Variants in SPIN4 observed in about 807,000 individuals in gnomAD.
The protein encoded by SPIN4 is spindlin-4.
SPIN4 carries 4 observed loss-of-function variants against 10.4 expected under a neutral mutation model. The observed-to-expected ratio is 0.38, with a 90% CI of 0.19 to 0.88. The LOEUF is 0.88. Ranked by LOEUF, SPIN4 falls within the 40% of genes least tolerant of loss-of-function variation. SPIN4 has a pLI of 0.40. For missense variants in SPIN4, 126 were observed against 198.7 expected, an observed-to-expected ratio of 0.63 and a Z score of 2.20; for synonymous variants, 71 against 78.4, an observed-to-expected ratio of 0.91 and a Z score of 0.50.
rs185270303 is a variant in SPIN4 at position 63,348,880 on chromosome X, C to A, written c.*1190G>T. On this transcript the variant is annotated 3_prime_UTR_variant, in exon 1 of 1. Transcript: ENST00000374884. ...AAAATGTAGGTGAATATTTGTATGACTTTGGGTGGGGGCATCCATGTGATA... is the reference window on the plus strand; with the variant it reads ...AAAATGTAGGTGAATATTTGTATGAATTTGGGTGGGGGCATCCATGTGATA... 1 of 111,158 alleles carries A rather than the reference C, an allele frequency of 9.0e-6. No homozygotes were observed. Among genetic ancestry groups the A allele is most frequent in the East Asian group, 2.8e-4 (1 of 3,558 alleles). The allele number at this position is 111,158 out of a possible 1,213,427, so 9.2% of individuals were successfully genotyped here.
chrX:63,350,892 G>T lies in SPIN4; in HGVS notation c.-73C>A, dbSNP rs782222948. 2.7e-6 allele frequency: 3 copies of T among 1,106,055 alleles called. No individual in the cohort carries two copies. Among genetic ancestry groups the T allele is most frequent in the Non-Finnish European group, 3.6e-6 (3 of 831,363 alleles). The allele number at this position is 1,106,055 out of a possible 1,213,427, so 91.2% of individuals were successfully genotyped here. A position where few individuals can be genotyped will look rare whatever the true frequency, so the allele number is the denominator to read the frequency against. ...TAAACTGACAAAAAGTCAACACTAT[G>T]CAATATGATATATATATTTTTTGCG... On this transcript the variant is annotated 5_prime_UTR_variant, in exon 1 of 1. Coordinates refer to ENST00000374884, the MANE Select transcript of SPIN4 (RefSeq NM_001012968.3).
rs1360883131 is a variant in SPIN4, at chrX:63,349,940, T to C, written c.*130A>G. On this transcript the variant is annotated 3_prime_UTR_variant, in exon 1 of 1. Coordinates refer to ENST00000374884, the MANE Select transcript of SPIN4 (RefSeq NM_001012968.3). ...GTGAAACTAGTCAAGGTAAGATTTGTTGGCACAATAAAATTTATCCACTTT... is the reference window on the plus strand; with the variant it reads ...GTGAAACTAGTCAAGGTAAGATTTGCTGGCACAATAAAATTTATCCACTTT... 1.3e-6 allele frequency: 1 copy of C among 744,619 alleles called. No homozygotes were observed. The highest frequency in any genetic ancestry group is 1.9e-6 in the Non-Finnish European group (1 of 535,039). The allele number at this position is 744,619 out of a possible 1,213,427, so 61.4% of individuals were successfully genotyped here. A position where few individuals can be genotyped will look rare whatever the true frequency, so the allele number is the denominator to read the frequency against.
In SPIN4 at chrX:63,350,244, C is replaced by T. The variant is rs374886517; in HGVS notation, c.576G>A (p.Glu192=). 1.4e-5 allele frequency: 17 copies of T among 1,211,484 alleles called. No individual in the cohort carries two copies. Among genetic ancestry groups the T allele is most frequent in the Middle Eastern group, 2.3e-4 (1 of 4,355 alleles). Residue 192 remains glutamate (E), a synonymous_variant, in exon 1 of 1, where the codon GAG becomes GAA. Coordinates refer to ENST00000374884, the MANE Select transcript of SPIN4 (RefSeq NM_001012968.3). ...CGAGACTGTCGACCACCTCTCCAGG[C>T]TCCTGTTCTGCTGTAGGGAAATAGT... ...SNYYFPTAEQ[E]PGEVVDSLVG...
chrX:63,349,431 C>T lies in SPIN4; in HGVS notation c.*639G>A, dbSNP rs1239364214. The T allele has an allele frequency of 9.0e-6, 1 of 111,009 alleles. No homozygotes were observed. The highest frequency in any genetic ancestry group is 3.3e-5 in the African/African-American group (1 of 30,428). The allele number at this position is 111,009 out of a possible 1,213,427, so 9.1% of individuals were successfully genotyped here. A position where few individuals can be genotyped will look rare whatever the true frequency, so the allele number is the denominator to read the frequency against. On this transcript the variant is annotated 3_prime_UTR_variant, in exon 1 of 1. Transcript: ENST00000374884. ...AAAGGAAATAAAAGACGATCAATAA[C>T]GAAATGGTTGAATGCCTTTTTGGTA...
rs1426316750 is a variant in SPIN4, at chrX:63,348,940, G to C, written c.*1130C>G. 3 of 111,167 alleles carry C rather than the reference G, an allele frequency of 2.7e-5. No homozygotes were observed. Among genetic ancestry groups the C allele is most frequent in the African/African-American group, 9.8e-5 (3 of 30,614 alleles). The allele number at this position is 111,167 out of a possible 1,213,427, so 9.2% of individuals were successfully genotyped here. A position where few individuals can be genotyped will look rare whatever the true frequency, so the allele number is the denominator to read the frequency against. On this transcript the variant is annotated 3_prime_UTR_variant, in exon 1 of 1. Transcript: ENST00000374884. ...AACCAAAATCTATAAAAGAGATAAG[G>C]GTCTACCTAAAAAGTTTAAAAATTT...
Position 63,350,035 on chromosome X carries a change from A to T in SPIN4, c.*35T>A, listed in dbSNP as rs1932978990. The T allele has an allele frequency of 8.6e-7, 1 of 1,160,114 alleles. No individual in the cohort carries two copies. Among genetic ancestry groups the T allele is most frequent in the African/African-American group, 1.8e-5 (1 of 55,686 alleles). ...GAGAACACAAAATAATTCACATCTAACAGATCCACAACTTCTCTAAAGAGC... is the reference window on the plus strand; with the variant it reads ...GAGAACACAAAATAATTCACATCTATCAGATCCACAACTTCTCTAAAGAGC... On this transcript the variant is annotated 3_prime_UTR_variant, in exon 1 of 1. Coordinates refer to ENST00000374884, the MANE Select transcript of SPIN4 (RefSeq NM_001012968.3).
At position 63,351,203 on chromosome X, in the gene SPIN4, A is replaced by G. The variant is rs1932992828; in HGVS notation, c.-384T>C. The G allele has an allele frequency of 6.1e-6, 1 of 165,198 alleles. No homozygotes were observed. Among genetic ancestry groups the G allele is most frequent in the Admixed American group, 7.4e-5 (1 of 13,597 alleles). 13.6% of individuals were successfully genotyped at this position (165,198 alleles called of 1,213,427 possible). A position where few individuals can be genotyped will look rare whatever the true frequency, so the allele number is the denominator to read the frequency against. ...TGGTGCGGCTGCGGCACGGCGGCAG[A>G]GGAGACGACGGGGACGAAAGGCAAG... On this transcript the variant is annotated 5_prime_UTR_variant, in exon 1 of 1. Transcript: ENST00000374884.
Position 63,348,671 on chromosome X carries a change from C to G in SPIN4, c.*1399G>C, listed in dbSNP as rs1337686879. 2 of 109,806 alleles carry G rather than the reference C, an allele frequency of 1.8e-5. No homozygotes were observed. The highest frequency in any genetic ancestry group is 6.6e-5 in the African/African-American group (2 of 30,301). The allele number at this position is 109,806 out of a possible 1,213,427, so 9.0% of individuals were successfully genotyped here. On this transcript the variant is annotated 3_prime_UTR_variant, in exon 1 of 1. Coordinates refer to ENST00000374884, the MANE Select transcript of SPIN4 (RefSeq NM_001012968.3). ...GATTCTAAAACTTACGATGAAGCCA[C>G]TATAATTAAATCATGATATTGGCTC...
Position 63,350,769 on chromosome X carries a change from G to C in SPIN4, c.51C>G (p.Tyr17Ter). 1 of 1,208,305 alleles carries C rather than the reference G, an allele frequency of 8.3e-7. No homozygotes were observed. Among genetic ancestry groups the C allele is most frequent in the Non-Finnish European group, 1.1e-6 (1 of 892,872 alleles). Residue 17 changes from tyrosine (Y) to a stop codon, truncating the protein, a stop_gained, in exon 1 of 1, where the codon TAC becomes TAG. Coordinates refer to ENST00000374884, the MANE Select transcript of SPIN4 (RefSeq NM_001012968.3). LOFTEE classifies it high-confidence loss of function. The stretch of plus-strand genomic sequence containing the variant: ...TGTGGGTGTGCCTTTTCTTCATCAG[G>C]TATGCGGACACGCCATCTACCCCCA... ...PPMGVDGVSA[Y>*]LMKKRHTHRK...
chrX:63,351,000 G>C lies in SPIN4; in HGVS notation c.-181C>G, dbSNP rs1932990174. The C allele has an allele frequency of 6.0e-6, 3 of 499,131 alleles. No individual in the cohort carries two copies. The Admixed American group carries it at 1.3e-4, about 21-fold the overall frequency. The allele number at this position is 499,131 out of a possible 1,213,427, so 41.1% of individuals were successfully genotyped here. Reference sequence around the variant, plus strand: ...TGGCAGAAACGCTCGAACTCTAACCGTGAGCACTGGGACAGCGTGTGCCTC... The same window carrying C: ...TGGCAGAAACGCTCGAACTCTAACCCTGAGCACTGGGACAGCGTGTGCCTC... On this transcript the variant is annotated 5_prime_UTR_variant, in exon 1 of 1. Transcript: ENST00000374884.
chrX:63,347,622 T>C lies in SPIN4; in HGVS notation c.*2448A>G, dbSNP rs1426505875. 5.4e-5 allele frequency: 6 copies of C among 111,705 alleles called. No individual in the cohort carries two copies. Among genetic ancestry groups the C allele is most frequent in the Admixed American group, 2.8e-4 (3 of 10,537 alleles). 9.2% of individuals were successfully genotyped at this position (111,705 alleles called of 1,213,427 possible). A position where few individuals can be genotyped will look rare whatever the true frequency, so the allele number is the denominator to read the frequency against. On this transcript the variant is annotated 3_prime_UTR_variant, in exon 1 of 1. Coordinates refer to ENST00000374884, the MANE Select transcript of SPIN4 (RefSeq NM_001012968.3). ...TTTTTTAAAGCTAGCACAACTTCAA[T>C]AACAAAACTTGATAAAGATAGCATC...
chrX:63,350,853 C>T lies in SPIN4; in HGVS notation c.-34G>A. 8.6e-7 allele frequency: 1 copy of T among 1,161,112 alleles called. No homozygotes were observed. Among genetic ancestry groups the T allele is most frequent in the Non-Finnish European group, 1.1e-6 (1 of 870,900 alleles). ...GATTAAGAGGGCTTGGGGAAAGCTG[C>T]TGCCCTGGTCGATTAAACTGACAAA... On this transcript the variant is annotated 5_prime_UTR_variant, in exon 1 of 1. Coordinates refer to ENST00000374884, the MANE Select transcript of SPIN4 (RefSeq NM_001012968.3).
rs1355444166 is a variant in SPIN4, at chrX:63,348,478, A to T, written c.*1592T>A. The T allele has an allele frequency of 3.6e-5, 4 of 111,210 alleles. No homozygotes were observed. Among genetic ancestry groups the T allele is most frequent in the Non-Finnish European group, 7.6e-5 (4 of 52,881 alleles). 9.2% of individuals were successfully genotyped at this position (111,210 alleles called of 1,213,427 possible). A position where few individuals can be genotyped will look rare whatever the true frequency, so the allele number is the denominator to read the frequency against. ...CTCTTGAGTGCTAAGATTTAATATT[A>T]TTAAAGAGCCCTCTAAACAAAAATG... On this transcript the variant is annotated 3_prime_UTR_variant, in exon 1 of 1. Transcript: ENST00000374884.
In SPIN4 at chrX:63,349,924, G is replaced by A. The variant is rs782650921; in HGVS notation, c.*146C>T. 1 of 640,804 alleles carries A rather than the reference G, an allele frequency of 1.6e-6. No homozygotes were observed. Among genetic ancestry groups the A allele is most frequent in the East Asian group, 3.6e-5 (1 of 27,547 alleles). The allele number at this position is 640,804 out of a possible 1,213,427, so 52.8% of individuals were successfully genotyped here. On this transcript the variant is annotated 3_prime_UTR_variant, in exon 1 of 1. Coordinates refer to ENST00000374884, the MANE Select transcript of SPIN4 (RefSeq NM_001012968.3). Reference sequence around the variant, plus strand: ...CACTTGAGGCAAAATTGTGAAACTAGTCAAGGTAAGATTTGTTGGCACAAT... The same window carrying A: ...CACTTGAGGCAAAATTGTGAAACTAATCAAGGTAAGATTTGTTGGCACAAT...
In SPIN4 at chrX:63,350,615, C is replaced by T. The variant is rs1163577345; in HGVS notation, c.205G>A (p.Val69Met). 1.7e-6 allele frequency: 2 copies of T among 1,206,913 alleles called. No individual in the cohort carries two copies. The highest frequency in any genetic ancestry group is 2.2e-6 in the Non-Finnish European group (2 of 893,449). Reference protein sequence around the residue: ...WKGTVLEQVSVKPTLYIIKYD... With the variant: ...WKGTVLEQVSMKPTLYIIKYD... ...TTAATGATGTAAAGAGTGGGCTTCACGGAAACCTGCTCGAGCACAGTACCC... is the reference window on the plus strand; with the variant it reads ...TTAATGATGTAAAGAGTGGGCTTCATGGAAACCTGCTCGAGCACAGTACCC... Residue 69 changes from valine to methionine, a missense_variant, in exon 1 of 1, where the codon GTG (valine) becomes ATG (methionine). Physicochemically the swap from Val to Met is conservative, Grantham distance 21 (BLOSUM62 1). Transcript: ENST00000374884.
Position 63,350,561 on chromosome X carries a change from G to C in SPIN4, c.259C>G (p.Leu87Val). 8.3e-7 allele frequency: 1 copy of C among 1,209,454 alleles called. No individual in the cohort carries two copies. Among genetic ancestry groups the C allele is most frequent in the Non-Finnish European group, 1.1e-6 (1 of 894,171 alleles). ...ACTCTCTTATCGCGGTGCAGTTCTA[G>C]TCCATACACACTATCTTTGCCATCA... Reference protein sequence around the residue: ...KYDGKDSVYGLELHRDKRVLA... With the variant: ...KYDGKDSVYGVELHRDKRVLA... The change falls in exon 1 of 1, where the codon CTA becomes GTA. Residue 87 changes from leucine (L) to valine (V), a missense_variant. By Grantham distance (32) the Leu-to-Val change is conservative. Transcript: ENST00000374884.
Position 63,350,537 on chromosome X carries a change from C to T in SPIN4, c.283G>A (p.Val95Ile). Residue 95 changes from valine (V) to isoleucine (I), a missense_variant, in exon 1 of 1, where the codon GTT becomes ATT. Transcript: ENST00000374884. ...TCAGGAAGGATCTCTAGCGCTAAAA[C>T]TCTCTTATCGCGGTGCAGTTCTAGT... ...YGLELHRDKRVLALEILPERV... is the reference protein window; with the variant it reads ...YGLELHRDKRILALEILPERV... 8.3e-7 allele frequency: 1 copy of T among 1,211,312 alleles called. No homozygotes were observed. The highest frequency in any genetic ancestry group is 1.1e-6 in the Non-Finnish European group (1 of 895,239).
chrX:63,351,016 C>T lies in SPIN4; in HGVS notation c.-197G>A, dbSNP rs1932990362. 2.2e-6 allele frequency: 1 copy of T among 447,241 alleles called. No individual in the cohort carries two copies. The highest frequency in any genetic ancestry group is 3.8e-6 in the Non-Finnish European group (1 of 264,771). 36.9% of individuals were successfully genotyped at this position (447,241 alleles called of 1,213,427 possible). A position where few individuals can be genotyped will look rare whatever the true frequency, so the allele number is the denominator to read the frequency against. On this transcript the variant is annotated 5_prime_UTR_variant, in exon 1 of 1. Transcript: ENST00000374884. ...ACTCTAACCGTGAGCACTGGGACAG[C>T]GTGTGCCTCTCCACAGTGCTTTCCT...
chrX:63,351,136 G>A lies in SPIN4; in HGVS notation c.-317C>T, dbSNP rs1378727727. 4 of 238,637 alleles carry A rather than the reference G, an allele frequency of 1.7e-5. No individual in the cohort carries two copies. The highest frequency in any genetic ancestry group is 3.2e-5 in the Non-Finnish European group (4 of 126,697). 19.7% of individuals were successfully genotyped at this position (238,637 alleles called of 1,213,427 possible). On this transcript the variant is annotated 5_prime_UTR_variant, in exon 1 of 1. Coordinates refer to ENST00000374884, the MANE Select transcript of SPIN4 (RefSeq NM_001012968.3). ...CGTGCCTTGCGTCCGCCCCAACCCC[G>A]ACCCCAAGTCCCCGAATCGGCCACT...
Sources: allele counts gnomAD v4.1 joint callset, GRCh38; gene constraint gnomAD v4.1.1; transcripts MANE v1.5; gene names NCBI Gene and HGNC (gene_info 2026-07-23, HGNC 2026-07-21).